CCDC91: variants seen among roughly 807,000 people sequenced by gnomAD.
CCDC91 encodes the protein coiled-coil domain containing 91.
A neutral mutation model predicts 63.2 loss-of-function variants in CCDC91; 48 were observed. The ratio of observed to expected loss-of-function variants is 0.76; its 90% CI spans 0.60 to 0.97. CCDC91 has a LOEUF of 0.97. Ranked by LOEUF, CCDC91 falls within the 50% of genes least tolerant of loss-of-function variation. The probability of loss-of-function intolerance (pLI) is 0.00; values close to 1 mark genes in which losing one functional copy is unlikely to be tolerated. For synonymous variants in CCDC91, 167 were observed against 165.8 expected, an observed-to-expected ratio of 1.01 and a Z score of -0.06; for missense variants, 500 against 494.6, an observed-to-expected ratio of 1.01 and a Z score of -0.10.
At chr12:28,496,808 CT>C (rs1362418884) in intron 12 of CCDC91, among the ~76,000 whole-genome samples, 2 of 150,402 alleles carry the variant, frequency 1.3e-5, no homozygotes, top group African/African-American at 4.9e-5. Context: ...ATATGCAATA[CT>C]TTGGATAGAT....
intron 6 of CCDC91, among the ~76,000 whole-genome samples, chr12:28,329,225 A>G (rs1339301358): frequency 1.3e-5 from 2 of 152,190 alleles, no homozygotes; most frequent in African/African-American, 4.8e-5. Context: ...TGAAAGTATT[A>G]CTAAAGCAAG....
intron 7 of CCDC91, among the ~76,000 whole-genome samples, chr12:28,363,499 T>C (rs928449712): frequency 5.3e-5 from 8 of 152,200 alleles, no homozygotes; most frequent in African/African-American, 1.7e-4. Flanking sequence ...AGTTAGAATA[T>C]AGAAATTTTT....
intron 11 of CCDC91, among the ~76,000 whole-genome samples, chr12:28,456,384 ATAGT>A (rs1169136737): frequency 6.6e-6 from 1 of 152,140 alleles, no homozygotes; most frequent in Non-Finnish European, 1.5e-5. Context: ...TTTAGACAAT[ATAGT>A]TAGGAAAGAA....
At chr12:28,305,619 A>G in intron 3 of CCDC91, 30 bp from the exon 4 acceptor site, 2 of 1,588,362 alleles carry the variant, frequency 1.3e-6, no homozygotes, top group Non-Finnish European at 8.6e-7. Flanking sequence ...TAATAATCCT[A>G]TCCTTTTTGT....
intron 7 of CCDC91, among the ~76,000 whole-genome samples, chr12:28,369,442 C>T (rs1022945496): frequency 6.6e-6 from 1 of 152,210 alleles, no homozygotes; most frequent in African/African-American, 2.4e-5. Context: ...CAGCTCTCCC[C>T]CTGAGGCTCT....
chr12:28,304,375 TAAAAAAAAAAAAAAAAA>T (rs777296414), intron 3 of CCDC91, among the ~76,000 whole-genome samples: 13 of 73,584 alleles, frequency 1.8e-4, no homozygotes, highest in Admixed American at 1.2e-3. Flanking sequence ...AGACTCCGTC[TAAAAAAAAAAAAAAAAA>T]AAAAAAAAAG....
chr12:28,408,327 C>T (rs147529629), intron 8 of CCDC91, among the ~76,000 whole-genome samples: 6 of 152,252 alleles, frequency 3.9e-5, no homozygotes, highest in Admixed American at 6.5e-5. Context: ...TTTGTTTTTA[C>T]GGCTGCATAG....
At chr12:28,230,995 A>C (rs1273742032) in intron 1 of CCDC91, among the ~76,000 whole-genome samples, 1 of 152,222 alleles carries the variant, frequency 6.6e-6, no homozygotes, top group Non-Finnish European at 1.5e-5. Flanking sequence ...GATCTCTTAC[A>C]TTAGAGTATC....
chr12:28,242,543 A>T (rs1945415359), intron 1 of CCDC91, among the ~76,000 whole-genome samples: 1 of 152,166 alleles, frequency 6.6e-6, no homozygotes, highest in Admixed American at 6.5e-5. Context: ...AGGGGAAGCC[A>T]TCTGGGACTT....
intron 1 of CCDC91, among the ~76,000 whole-genome samples, chr12:28,205,877 A>G (rs550674462): frequency 6.6e-6 from 1 of 152,340 alleles, no homozygotes; most frequent in South Asian, 2.1e-4. Context: ...TTGCTTTAGC[A>G]GTTCTCCCCT....
At chr12:28,408,037 T>G (rs949413740) in intron 8 of CCDC91, among the ~76,000 whole-genome samples, 1 of 151,838 alleles carries the variant, frequency 6.6e-6, no homozygotes, top group Non-Finnish European at 1.5e-5. Context: ...TGCATAGGTA[T>G]ACATGTGCCA....
At chr12:28,477,580 C>T (rs184496117) in intron 11 of CCDC91, among the ~76,000 whole-genome samples, 1 of 152,274 alleles carries the variant, frequency 6.6e-6, no homozygotes, top group East Asian at 1.9e-4. Context: ...CCTCTCTCAC[C>T]ACTTCTATTG....
intron 12 of CCDC91, among the ~76,000 whole-genome samples, chr12:28,492,638 A>G (rs1230387363): frequency 6.6e-6 from 1 of 151,532 alleles, no homozygotes; most frequent in Admixed American, 6.6e-5. Context: ...AGTTAGAACC[A>G]GTGAAGAGTT....
intron 8 of CCDC91, among the ~76,000 whole-genome samples, chr12:28,415,658 A>G (rs554839800): frequency 2.5e-5 from 2 of 80,308 alleles, no homozygotes; most frequent in East Asian, 7.5e-4. Context: ...TAATAAAGAT[A>G]TATATTTGTG....
chr12:28,428,751 CTATCTAAAATA>C, intron 8 of CCDC91, among the ~76,000 whole-genome samples: 1 of 151,656 alleles, frequency 6.6e-6, no homozygotes, highest in Admixed American at 6.6e-5. Context: ...ACTTCATTTC[CTATCTAAAATA>C]TATTTAAAAT....
intron 8 of CCDC91, among the ~76,000 whole-genome samples, chr12:28,445,047 T>G (rs1949427758): frequency 6.6e-6 from 1 of 152,230 alleles, no homozygotes; most frequent in Non-Finnish European, 1.5e-5. Context: ...TAAAGAAATT[T>G]AAAATGTTAG....
At chr12:28,373,521 G>A (rs1028528694) in intron 7 of CCDC91, among the ~76,000 whole-genome samples, 1 of 151,900 alleles carries the variant, frequency 6.6e-6, no homozygotes, top group African/African-American at 2.4e-5. Flanking sequence ...TCCTTTCTCT[G>A]TTCTTCAGAT....
intron 11 of CCDC91, among the ~76,000 whole-genome samples, chr12:28,464,960 T>C (rs1950481585): frequency 1.3e-5 from 2 of 152,110 alleles, no homozygotes; most frequent in Non-Finnish European, 2.9e-5. Flanking sequence ...AGGAGTTCAT[T>C]TTCCTGAAGG....
In CCDC91 at chr12:28,410,884, G is replaced by A. The variant is rs117850848; in HGVS notation, c.762+19473G>A. 9.9e-3 allele frequency among the ~76,000 whole-genome samples: 1,508 copies of A among 152,138 alleles called. 8 individuals carry two copies. The highest frequency in any genetic ancestry group is 0.016 in the Non-Finnish European group (1,056 of 67,966). On this transcript the variant is annotated intron_variant, in intron 8 of 12. Coordinates refer to ENST00000536442, the MANE Select transcript of CCDC91 (RefSeq NM_018318.5). ...TTATTGACGTTTTTTCATTTTAAATGTATCTCCTCATTCTTTGTTTTCTGT... is the reference window on the plus strand; with the variant it reads ...TTATTGACGTTTTTTCATTTTAAATATATCTCCTCATTCTTTGTTTTCTGT...
Sources: allele counts gnomAD v4.1 joint callset (sites outside exome capture counted in the v4.1 genomes callset), GRCh38; gene constraint gnomAD v4.1.1; transcripts MANE v1.5; gene names NCBI Gene and HGNC (gene_info 2026-07-23, HGNC 2026-07-21).